TGM6: variants seen among roughly 807,000 people sequenced by gnomAD.
TGM6 encodes protein-glutamine gamma-glutamyltransferase 6.
In TGM6, 74 loss-of-function variants were observed where a neutral mutation model predicts 77.5. That is an observed-to-expected ratio of 0.96 (90% CI 0.79 to 1.16). The LOEUF (loss-of-function observed/expected upper bound fraction) is 1.16, where lower values mean the gene tolerates loss of function less well. Ranked by LOEUF, TGM6 falls within the 50% of genes most tolerant of loss-of-function variation. The pLI is 0.00. For synonymous variants in TGM6, 383 were observed against 378.9 expected, an observed-to-expected ratio of 1.01 and a Z score of -0.12; for missense variants, 968 against 940.2, an observed-to-expected ratio of 1.03 and a Z score of -0.39.
At chr20:2,411,673 G>T (rs2084784895) in intron 9 of TGM6, among the ~76,000 whole-genome samples, 1 of 152,242 alleles carries the variant, frequency 6.6e-6, no homozygotes, top group South Asian at 2.1e-4. Context: ...AAAAGAAATA[G>T]ATATCTTTTT....
chr20:2,395,280 G>C lies in TGM6; in HGVS notation c.268G>C (p.Glu90Gln), dbSNP rs765585731. Residue 90 changes from glutamate (E) to glutamine (Q), a missense_variant, in exon 3 of 13, where the codon GAG (glutamate) becomes CAG (glutamine). Transcript: ENST00000202625. ...GGGTGAGGGCTGGACAGCAGCAAGG[G>C]AGGCTCAGATGGAGAAAACTCTGAC... Reference protein sequence around the residue: ...ERGEGWTAAREAQMEKTLTVS... With the variant: ...ERGEGWTAARQAQMEKTLTVS... 2.5e-6 allele frequency: 4 copies of C among 1,614,186 alleles called. No homozygotes were observed. The highest frequency in any genetic ancestry group is 1.6e-4 in the Middle Eastern group (1 of 6,062).
rs1329449218 is a variant in TGM6 at position 2,397,803 on chromosome 20, G to A, written c.544-115G>A. On this transcript the variant is annotated intron_variant, in intron 4 of 12. Coordinates refer to ENST00000202625, the MANE Select transcript of TGM6 (RefSeq NM_198994.3). ...CTCTGTGATGCCCCTGGTGGTTGGAGGGGGCAGCAAACTGCCCTGCACAGA... is the reference window on the plus strand; with the variant it reads ...CTCTGTGATGCCCCTGGTGGTTGGAAGGGGCAGCAAACTGCCCTGCACAGA... 2.6e-6 allele frequency: 4 copies of A among 1,541,350 alleles called. No individual in the cohort carries two copies. In the Admixed American group the frequency reaches 5.1e-5, roughly 20 times the overall value.
chr20:2,395,196 C>G lies in TGM6; in HGVS notation c.184C>G (p.Pro62Ala). ...TGATTCCCTCTCCTCTCCTCCAGGA[C>G]CCCGGGCTTCTGAGGCCCTCCACAC... ...EILIFTMETGPRASEALHTKA... is the reference protein window; with the variant it reads ...EILIFTMETGARASEALHTKA... Residue 62 changes from proline to alanine, a missense_variant and splice_region_variant, in exon 3 of 13, where the codon CCC (proline) becomes GCC (alanine). By Grantham distance (27) the Pro-to-Ala change is conservative. Coordinates refer to ENST00000202625, the MANE Select transcript of TGM6 (RefSeq NM_198994.3). 1.2e-6 allele frequency: 2 copies of G among 1,613,074 alleles called. No homozygotes were observed. Among genetic ancestry groups the G allele is most frequent in the South Asian group, 1.1e-5 (1 of 91,046 alleles).
At chr20:2,416,569 G>A (rs1319186245) in intron 9 of TGM6, among the ~76,000 whole-genome samples, 1 of 152,154 alleles carries the variant, frequency 6.6e-6, no homozygotes, top group Non-Finnish European at 1.5e-5. Context: ...TTAGGAAAAG[G>A]GTGGTAACTT....
At chr20:2,394,700 C>T in intron 2 of TGM6, 75 bp downstream of exon 2, 4 of 1,468,800 alleles carry the variant, frequency 2.7e-6, no homozygotes, top group Admixed American at 2.0e-5. Flanking sequence ...AACATAAGAC[C>T]TTGCAGTCAG....
At position 2,430,513 on chromosome 20, in the gene TGM6, C is replaced by A. The variant is rs1373823748; in HGVS notation, c.1746C>A (p.Ile582=). 1.2e-6 allele frequency: 2 copies of A among 1,614,056 alleles called. No homozygotes were observed. Among genetic ancestry groups the A allele is most frequent in the African/African-American group, 2.7e-5 (2 of 74,906 alleles). ...AAGACCTGACAGAGGACAAGAAGATCCTGTTGGCTGCCATGTGCCTTGTCA... is the reference window on the plus strand; with the variant it reads ...AAGACCTGACAGAGGACAAGAAGATACTGTTGGCTGCCATGTGCCTTGTCA... ...YKEDLTEDKK[I]LLAAMCLVTK... is the part of the protein sequence containing the mutation. The change falls in exon 11 of 13, where the codon ATC becomes ATA. Residue 582 remains isoleucine (I), a synonymous_variant. Transcript: ENST00000202625.
At chr20:2,381,306 C>T (rs2084553093) in intron 1 of TGM6, among the ~76,000 whole-genome samples, 3 of 152,172 alleles carry the variant, frequency 2.0e-5, no homozygotes, top group Admixed American at 1.3e-4. Flanking sequence ...ACCCCATGCA[C>T]ATTCCATGGA....
intron 9 of TGM6, among the ~76,000 whole-genome samples, chr20:2,406,831 C>CAAAAAAAAAAAAAAAAAAAAAAAAAAAA (rs3050731): frequency 6.3e-5 from 4 of 63,710 alleles, no homozygotes; most frequent in African/African-American, 8.9e-5. Flanking sequence ...CGAAACTCCT[C>CAAAAAAAAAAAAAAAAAAAAAAAAAAAA]AAAAAAAAAA....
At chr20:2,394,988 G>A (rs2084653101) in intron 2 of TGM6, among the ~76,000 whole-genome samples, 1 of 152,200 alleles carries the variant, frequency 6.6e-6, no homozygotes. Context: ...TTTCTCCTTG[G>A]CCTGGAAGTG....
chr20:2,431,129 C>G, intron 12 of TGM6, 102 bp downstream of exon 12: 1 of 1,504,438 alleles, frequency 6.6e-7, no homozygotes, highest in Non-Finnish European at 9.1e-7. Context: ...AGATTCTGGA[C>G]ACCCCAGGAA....
chr20:2,393,465 A>G (rs530525692), intron 1 of TGM6, among the ~76,000 whole-genome samples: 8 of 152,364 alleles, frequency 5.3e-5, no homozygotes, highest in African/African-American at 1.2e-4. Flanking sequence ...TTAGGTGAAC[A>G]TTCAGGCATG....
intron 10 of TGM6, among the ~76,000 whole-genome samples, chr20:2,429,569 G>A (rs961029136): frequency 1.3e-5 from 2 of 152,172 alleles, no homozygotes; most frequent in Admixed American, 1.3e-4. Flanking sequence ...AAAAGATCGA[G>A]ACCATCCTGG....
intron 5 of TGM6, 142 bp downstream of exon 5, chr20:2,398,188 T>C: frequency 7.2e-7 from 1 of 1,386,844 alleles, no homozygotes. Context: ...AACTCAGTGG[T>C]GTAAAACAAC....
At chr20:2,381,854 G>A (rs745831407) in intron 1 of TGM6, among the ~76,000 whole-genome samples, 1 of 152,150 alleles carries the variant, frequency 6.6e-6, no homozygotes, top group South Asian at 2.1e-4. Flanking sequence ...GGAGGTAGAG[G>A]CTACAGTGAG....
chr20:2,429,736 T>A (rs1302275893), intron 10 of TGM6, among the ~76,000 whole-genome samples: 1 of 150,576 alleles, frequency 6.6e-6, no homozygotes, highest in Non-Finnish European at 1.5e-5. Context: ...GCCACTGCAC[T>A]CCAGCCTCGC....
intron 10 of TGM6, among the ~76,000 whole-genome samples, chr20:2,422,097 A>C (rs1219936850): frequency 6.6e-6 from 1 of 152,064 alleles, no homozygotes; most frequent in Non-Finnish European, 1.5e-5. Context: ...ACACCAGTGC[A>C]CTCCAGCCTG....
At chr20:2,402,350 T>G (rs2084716394) in intron 7 of TGM6, among the ~76,000 whole-genome samples, 1 of 152,152 alleles carries the variant, frequency 6.6e-6, no homozygotes, top group Non-Finnish European at 1.5e-5. Context: ...CAGGGGAGCG[T>G]GCCAGGAGCC....
At chr20:2,398,102 C>G (rs1216576577) in intron 5 of TGM6, 56 bp downstream of exon 5, 2 of 1,613,704 alleles carry the variant, frequency 1.2e-6, no homozygotes, top group Admixed American at 3.3e-5. Context: ...CCCAGCCAAC[C>G]CCGGGGCCAC....
chr20:2,391,546 C>T (rs934106357), intron 1 of TGM6, among the ~76,000 whole-genome samples: 1 of 152,046 alleles, frequency 6.6e-6, no homozygotes, highest in Non-Finnish European at 1.5e-5. Flanking sequence ...GGGATCCTGC[C>T]TAGTTCCTTG....
Sources: gnomAD v4.1 joint callset for allele counts (sites outside exome capture counted in the v4.1 genomes callset) on GRCh38, gnomAD v4.1.1 for gene constraint, MANE v1.5 for transcripts, NCBI Gene and HGNC (gene_info 2026-07-23, HGNC 2026-07-21) for gene names.